The following CNTN5 variants were observed in gnomAD, a reference collection of about 807,000 sequenced individuals.
CNTN5 encodes contactin 5, also known as contactin-5.
CNTN5 carries 77 observed loss-of-function variants against 129.1 expected under a neutral mutation model. That is an observed-to-expected ratio of 0.60 (90% CI 0.50 to 0.72). CNTN5 has a LOEUF of 0.72. Among genes scored for constraint, CNTN5 ranks in the 30% least tolerant of loss-of-function variants. The pLI, the probability that CNTN5 is intolerant of heterozygous loss-of-function variation, is 0.00. For synonymous variants in CNTN5, 509 were observed against 465.6 expected, an observed-to-expected ratio of 1.09 and a Z score of -1.20; for missense variants, 1,478 against 1,328.8, an observed-to-expected ratio of 1.11 and a Z score of -1.75.
At chr11:99,840,115 CAGTT>C (rs1275180639) in intron 4 of CNTN5, among the ~76,000 whole-genome samples, 3 of 152,044 alleles carry the variant, frequency 2.0e-5, no homozygotes, top group South Asian at 2.1e-4. Context: ...AAAATGATGA[CAGTT>C]AGGCCGGAGT....
chr11:99,056,006 C>G (rs1226556578), intron 1 of CNTN5, among the ~76,000 whole-genome samples: 1 of 151,942 alleles, frequency 6.6e-6, no homozygotes, highest in Non-Finnish European at 1.5e-5. Context: ...TTTTAAGGGC[C>G]TCGTGGCTTT....
chr11:99,347,636 G>A lies in CNTN5; in HGVS notation c.-71+22152G>A, dbSNP rs1232491991. ...CTTTAATTAATGGAAAAATAAGAAG[G>A]GAGGTTAAGAATATGTGTAACAAGG... On this transcript the variant is annotated intron_variant, in intron 2 of 24. Transcript: ENST00000524871. Among the ~76,000 whole-genome samples, 4 of 152,232 alleles carry A rather than the reference G, an allele frequency of 2.6e-5. No individual in the cohort carries two copies. The East Asian group carries it at 7.7e-4, about 29-fold the overall frequency.
chr11:100,232,352 G>C (rs976211026), intron 16 of CNTN5, among the ~76,000 whole-genome samples: 5 of 152,108 alleles, frequency 3.3e-5, no homozygotes, highest in Non-Finnish European at 5.9e-5. Context: ...GAGAAATAGA[G>C]GAAGGAGAAA....
chr11:99,295,655 T>C (rs1341005028), intron 1 of CNTN5, among the ~76,000 whole-genome samples: 1 of 151,780 alleles, frequency 6.6e-6, no homozygotes, highest in African/African-American at 2.4e-5. Flanking sequence ...GGCGGGTGGA[T>C]CATGAGGTCA....
intron 7 of CNTN5, among the ~76,000 whole-genome samples, chr11:99,943,582 G>T (rs1398262005): frequency 6.6e-6 from 1 of 152,014 alleles, no homozygotes; most frequent in African/African-American, 2.4e-5. Context: ...CATTGCTTTT[G>T]ATGTTTCAGT....
rs369850603 is a variant in CNTN5 at position 100,284,617 on chromosome 11, T to A, written c.2315-13008T>A. ...AAATACAGCATTGTCAATTTTGTCATTTAATTGAATTTTAATATTCTATAC... is the reference window on the plus strand; with the variant it reads ...AAATACAGCATTGTCAATTTTGTCAATTAATTGAATTTTAATATTCTATAC... On this transcript the variant is annotated intron_variant, in intron 18 of 24. Coordinates refer to ENST00000524871, the MANE Select transcript of CNTN5 (RefSeq NM_014361.4). Among the ~76,000 whole-genome samples the A allele has an allele frequency of 2.5e-4, 38 of 152,344 alleles. 1 individual carries two copies. In the East Asian group the frequency reaches 3.7e-3, roughly 15 times the overall value.
At chr11:100,019,263 T>A (rs1940996178) in intron 9 of CNTN5, among the ~76,000 whole-genome samples, 1 of 151,882 alleles carries the variant, frequency 6.6e-6, no homozygotes, top group Non-Finnish European at 1.5e-5. Context: ...TCCTAAAAGT[T>A]TTATAGTTTT....
At position 100,197,804 on chromosome 11, in the gene CNTN5, G is replaced by C. The variant is rs143178798; in HGVS notation, c.1884+4141G>C. Reference sequence around the variant, plus strand: ...TTTTTAACACAGAAAAATATCTCACGCATTTGTTGTCAGAATGGTCCACTA... The same window carrying C: ...TTTTTAACACAGAAAAATATCTCACCCATTTGTTGTCAGAATGGTCCACTA... On this transcript the variant is annotated intron_variant, in intron 15 of 24. Transcript: ENST00000524871. Among the ~76,000 whole-genome samples, 107 of 151,998 alleles carry C rather than the reference G, an allele frequency of 7.0e-4. 2 individuals carry two copies. In the East Asian group the frequency reaches 0.02, roughly 29 times the overall value.
chr11:99,736,455 G>A (rs908926057), intron 3 of CNTN5, among the ~76,000 whole-genome samples: 2 of 152,176 alleles, frequency 1.3e-5, no homozygotes, highest in Non-Finnish European at 2.9e-5. Context: ...AGCTGCCCAA[G>A]AAGGGGAACA....
At chr11:99,494,640 A>G (rs1324759159) in intron 2 of CNTN5, among the ~76,000 whole-genome samples, 1 of 152,188 alleles carries the variant, frequency 6.6e-6, no homozygotes, top group African/African-American at 2.4e-5. Flanking sequence ...AGCCCTGGAC[A>G]GTCTGTGATA....
intron 10 of CNTN5, among the ~76,000 whole-genome samples, chr11:100,068,124 T>C (rs1943765420): frequency 6.6e-6 from 1 of 152,164 alleles, no homozygotes; most frequent in Non-Finnish European, 1.5e-5. Context: ...GTCTAACAAA[T>C]ACAATCAGTT....
intron 1 of CNTN5, among the ~76,000 whole-genome samples, chr11:99,028,458 A>G (rs1179627764): frequency 6.6e-6 from 1 of 151,868 alleles, no homozygotes; most frequent in African/African-American, 2.4e-5. Flanking sequence ...CAGATTTTCA[A>G]TATTTCTCCT....
chr11:99,322,459 A>C (rs771495903), intron 1 of CNTN5, among the ~76,000 whole-genome samples: 22 of 152,322 alleles, frequency 1.4e-4, no homozygotes, highest in Admixed American at 2.0e-4. Context: ...TTTAACATGA[A>C]TAGAAGCTCT....
chr11:99,877,189 C>G (rs1948655669), intron 6 of CNTN5, among the ~76,000 whole-genome samples: 2 of 152,046 alleles, frequency 1.3e-5, no homozygotes, highest in Non-Finnish European at 2.9e-5. Flanking sequence ...GAAAAAGAAA[C>G]TTTATTTCCA....
chr11:99,749,463 A>G (rs1265141756), intron 3 of CNTN5, among the ~76,000 whole-genome samples: 1 of 152,202 alleles, frequency 6.6e-6, no homozygotes, highest in Middle Eastern at 3.2e-3. Context: ...GTCTCAGTAA[A>G]TATTATCTGG....
chr11:99,629,115 A>G (rs603255), intron 3 of CNTN5, among the ~76,000 whole-genome samples: 92,485 of 151,412 alleles, frequency 0.61, 29,097 homozygotes, highest in Admixed American at 0.74. Context: ...CAGAAATTAC[A>G]GGCCTACTAA....
intron 2 of CNTN5, among the ~76,000 whole-genome samples, chr11:99,451,165 G>C (rs767228385): frequency 6.6e-6 from 1 of 152,024 alleles, no homozygotes; most frequent in Non-Finnish European, 1.5e-5. Context: ...TCAAGAGAAA[G>C]GATGGAAAAT....
At chr11:99,939,039 C>A (rs1029720853) in intron 7 of CNTN5, among the ~76,000 whole-genome samples, 1 of 151,996 alleles carries the variant, frequency 6.6e-6, no homozygotes. Context: ...GACTGACTAC[C>A]TTTTATTGAG....
intron 9 of CNTN5, among the ~76,000 whole-genome samples, chr11:100,034,848 C>G (rs1210495034): frequency 2.0e-5 from 3 of 152,160 alleles, no homozygotes; most frequent in African/African-American, 7.2e-5. Flanking sequence ...CAGTAACTTT[C>G]AGGATATGTC....
Sources: gnomAD v4.1 joint callset for allele counts (sites outside exome capture counted in the v4.1 genomes callset) on GRCh38, gnomAD v4.1.1 for gene constraint, MANE v1.5 for transcripts, NCBI Gene and HGNC (gene_info 2026-07-23, HGNC 2026-07-21) for gene names.